Variants in SYCP2 observed in about 807,000 individuals in gnomAD.
SYCP2 encodes the protein synaptonemal complex lateral element protein.
SYCP2 carries 55 observed loss-of-function variants against 211.3 expected under a neutral mutation model. That is an observed-to-expected ratio of 0.26 (90% CI 0.21 to 0.33). The LOEUF is 0.33. Among genes scored for constraint, SYCP2 ranks in the 10% least tolerant of loss-of-function variants. SYCP2 has a pLI of 1.00. For synonymous variants in SYCP2, 570 were observed against 555.2 expected (o/e 1.03, Z -0.37); for missense variants, 1,731 against 1,752.0 (o/e 0.99, Z 0.21).
intron 26 of SYCP2, among the ~76,000 whole-genome samples, chr20:59,884,942 C>G (rs1414258866): frequency 6.6e-6 from 1 of 151,888 alleles, no homozygotes; most frequent in African/African-American, 2.4e-5. Flanking sequence ...AGAATTCTTG[C>G]CAAATGGGTT....
chr20:59,893,374 G>A, intron 21 of SYCP2, 150 bp downstream of exon 21: 1 of 754,550 alleles, frequency 1.3e-6, no homozygotes, highest in South Asian at 2.0e-5. Context: ...ATATTTCCTT[G>A]TAACCTCAAA....
chr20:59,916,636 C>A lies in SYCP2; in HGVS notation c.428-65G>T, dbSNP rs973614855. The A allele has an allele frequency of 4.4e-6, 5 of 1,141,542 alleles. No individual in the cohort carries two copies. In the Admixed American group the frequency reaches 8.9e-5, roughly 20 times the overall value. 70.7% of individuals were successfully genotyped at this position (1,141,542 alleles called of 1,614,324 possible). On this transcript the variant is annotated intron_variant, in intron 7 of 44. Coordinates refer to ENST00000357552, the MANE Select transcript of SYCP2 (RefSeq NM_014258.4). ...AAATCCTCTTAACTGTCAGTCTTTTCTTATAAGAGTTAGTGGAAAGGGGCC... is the reference window on the plus strand; with the variant it reads ...AAATCCTCTTAACTGTCAGTCTTTTATTATAAGAGTTAGTGGAAAGGGGCC...
chr20:59,901,982 G>C (rs112042894), intron 15 of SYCP2, among the ~76,000 whole-genome samples, 172 bp from the exon 16 acceptor site: 1 of 152,020 alleles, frequency 6.6e-6, no homozygotes, highest in Admixed American at 6.6e-5. Flanking sequence ...AATCAATCAA[G>C]TCAATTTAGC....
At chr20:59,878,217 T>C (rs1270815968) in intron 31 of SYCP2, among the ~76,000 whole-genome samples, 172 bp from the exon 32 acceptor site, 3 of 152,170 alleles carry the variant, frequency 2.0e-5, no homozygotes, top group African/African-American at 7.2e-5. Flanking sequence ...GCCACCAGGA[T>C]ACCAGCCCTC....
intron 26 of SYCP2, among the ~76,000 whole-genome samples, chr20:59,883,392 A>G (rs1403831713): frequency 6.6e-6 from 1 of 152,146 alleles, no homozygotes; most frequent in African/African-American, 2.4e-5. Context: ...CTACATTCCT[A>G]TGTTCATTGC....
chr20:59,924,771 A>C (rs2060604247), intron 2 of SYCP2, among the ~76,000 whole-genome samples: 1 of 152,034 alleles, frequency 6.6e-6, no homozygotes, highest in Admixed American at 6.6e-5. Context: ...AAAGCTAATA[A>C]AACTATATTA....
At chr20:59,893,913 G>A (rs1186385009) in intron 20 of SYCP2, among the ~76,000 whole-genome samples, 1 of 151,854 alleles carries the variant, frequency 6.6e-6, no homozygotes, top group African/African-American at 2.4e-5. Context: ...TGCTGCTGTT[G>A]ATTACATAGC....
intron 9 of SYCP2, 132 bp downstream of exon 9, chr20:59,915,333 C>T: frequency 2.1e-6 from 2 of 964,328 alleles, no homozygotes; most frequent in South Asian, 1.5e-5. Context: ...AAATTATATG[C>T]ATACACTAAA....
At chr20:59,897,192 A>G (rs2060026097) in intron 18 of SYCP2, among the ~76,000 whole-genome samples, 1 of 152,150 alleles carries the variant, frequency 6.6e-6, no homozygotes, top group African/African-American at 2.4e-5. Flanking sequence ...TACTGCATAG[A>G]GGCATAAAAG....
intron 19 of SYCP2, among the ~76,000 whole-genome samples, chr20:59,895,893 G>C (rs150141981): frequency 5.9e-5 from 9 of 152,088 alleles, no homozygotes; most frequent in African/African-American, 2.2e-4. Flanking sequence ...TCAATGTTAA[G>C]TTGTCATATA....
At chr20:59,877,239 C>A (rs541261810) in intron 33 of SYCP2, 146 bp downstream of exon 33, 3 of 649,954 alleles carry the variant, frequency 4.6e-6, no homozygotes, top group Non-Finnish European at 4.5e-6. Context: ...TGCCTAAGGG[C>A]AAATTTCTAG....
intron 18 of SYCP2, among the ~76,000 whole-genome samples, chr20:59,898,341 T>C (rs747575962): frequency 1.3e-5 from 2 of 152,152 alleles, no homozygotes; most frequent in Non-Finnish European, 2.9e-5. Flanking sequence ...AATGATAGAC[T>C]GGATAAAGAA....
In SYCP2 at chr20:59,900,174, G is replaced by C. The variant is rs1304570327; in HGVS notation, c.1368C>G (p.Asn456Lys). 2 of 1,613,110 alleles carry C rather than the reference G, an allele frequency of 1.2e-6. No homozygotes were observed. Among genetic ancestry groups the C allele is most frequent in the East Asian group, 4.5e-5 (2 of 44,772 alleles). ...EFAKPSKYIKNSDKGNRNNSQ... is the reference protein window; with the variant it reads ...EFAKPSKYIKKSDKGNRNNSQ... ...TATTATTTCTATTCCCTTTGTCACTGTTTTTGATATATTTTGAAGGTTTAG... is the reference window on the plus strand; with the variant it reads ...TATTATTTCTATTCCCTTTGTCACTCTTTTTGATATATTTTGAAGGTTTAG... The change falls in exon 18 of 45, where the codon AAC (asparagine) becomes AAG (lysine). Residue 456 changes from asparagine to lysine, a missense_variant. Asn to Lys is a moderately conservative substitution (Grantham distance 94). This residue lies in a region of SYCP2 where 1,387 missense variants were observed against 1,351.3 expected (regional missense o/e 1.03). Coordinates refer to ENST00000357552, the MANE Select transcript of SYCP2 (RefSeq NM_014258.4).
chr20:59,895,034 T>TA (rs1330008739), intron 20 of SYCP2, among the ~76,000 whole-genome samples: 1 of 152,096 alleles, frequency 6.6e-6, no homozygotes, highest in Non-Finnish European at 1.5e-5. Flanking sequence ...CCTATATGTG[T>TA]AAATCTGAGA....
At chr20:59,928,969 TA>T (rs1455876473) in intron 2 of SYCP2, among the ~76,000 whole-genome samples, 1 of 152,172 alleles carries the variant, frequency 6.6e-6, no homozygotes, top group South Asian at 2.1e-4. Context: ...TCACTGTTTG[TA>T]AAAGAGAGGC....
At chr20:59,883,597 A>G (rs2059726523) in intron 26 of SYCP2, among the ~76,000 whole-genome samples, 1 of 151,962 alleles carries the variant, frequency 6.6e-6, no homozygotes, top group South Asian at 2.1e-4. Context: ...AACCAGACAG[A>G]AAGAAAAATA....
rs750674323 is a variant in SYCP2 at position 59,865,669 on chromosome 20, G to A, written c.4380-18C>T. On this transcript the variant is annotated intron_variant, in intron 42 of 44. Transcript: ENST00000357552. ...GATGAAGCCTAAGAAGTAAAATAAT[G>A]AGTTAACCTTGTATTTATCAATAAT... 32 of 1,533,954 alleles carry A rather than the reference G, an allele frequency of 2.1e-5. No individual in the cohort carries two copies. Among genetic ancestry groups the A allele is most frequent in the South Asian group, 1.3e-4 (11 of 85,160 alleles).
chr20:59,921,240 A>C, intron 4 of SYCP2, 70 bp downstream of exon 4: 1 of 1,347,422 alleles, frequency 7.4e-7, no homozygotes, highest in Non-Finnish European at 1.0e-6. Context: ...TTTCTAATGG[A>C]GTACTTCCTT....
At chr20:59,885,432 C>A (rs1045134078) in intron 26 of SYCP2, among the ~76,000 whole-genome samples, 3 of 152,028 alleles carry the variant, frequency 2.0e-5, no homozygotes, top group Non-Finnish European at 4.4e-5. Context: ...TTGGCCTCGA[C>A]AGGGGAGAAA....
Sources: gnomAD v4.1 joint callset for allele counts (sites outside exome capture counted in the v4.1 genomes callset) on GRCh38, gnomAD v4.1.1 for gene constraint, gnomAD v4.1.1 regional missense constraint, MANE v1.5 for transcripts, NCBI Gene and HGNC (gene_info 2026-07-23, HGNC 2026-07-21) for gene names.